Variants in PTPRD observed in about 807,000 individuals in gnomAD.
The protein encoded by PTPRD is protein tyrosine phosphatase receptor type D, also known as receptor-type tyrosine-protein phosphatase delta.
PTPRD carries 34 observed loss-of-function variants against 214.5 expected under a neutral mutation model. The observed-to-expected ratio is 0.16, with a 90% CI of 0.12 to 0.21. The LOEUF (loss-of-function observed/expected upper bound fraction) is 0.21. Ranked by LOEUF, PTPRD falls within the 10% of genes least tolerant of loss-of-function variation. The pLI is 1.00. For synonymous variants in PTPRD, 1,128 were observed against 845.7 expected (o/e 1.33, Z -5.79); for missense variants, 2,545 against 2,398.7 (o/e 1.06, Z -1.27).
intron 3 of PTPRD, among the ~76,000 whole-genome samples, chr9:10,058,575 C>T (rs899578789): frequency 2.6e-5 from 4 of 152,064 alleles, no homozygotes; most frequent in Admixed American, 1.3e-4. Flanking sequence ...TATCATGGAT[C>T]CTGCTATCAA....
At chr9:9,051,310 T>C (rs1407440114) in intron 10 of PTPRD, among the ~76,000 whole-genome samples, 1 of 152,196 alleles carries the variant, frequency 6.6e-6, no homozygotes, top group Non-Finnish European at 1.5e-5. Flanking sequence ...TTATTTAAAG[T>C]AGGCCCATTT....
chr9:8,715,727 G>A (rs143518109), intron 12 of PTPRD, among the ~76,000 whole-genome samples: 2 of 152,324 alleles, frequency 1.3e-5, no homozygotes, highest in East Asian at 3.9e-4. Context: ...TTCCTAATTA[G>A]TGTCACCTCA....
intron 11 of PTPRD, among the ~76,000 whole-genome samples, chr9:8,909,074 A>G (rs1465161739): frequency 1.3e-5 from 2 of 151,892 alleles, no homozygotes; most frequent in Non-Finnish European, 2.9e-5. Flanking sequence ...CAGTAGCAAA[A>G]CTGACTCAAA....
chr9:10,212,461 T>C (rs1356436853), intron 3 of PTPRD, among the ~76,000 whole-genome samples: 2 of 152,132 alleles, frequency 1.3e-5, no homozygotes, highest in African/African-American at 2.4e-5. Context: ...ATATTAAAGA[T>C]GAAATTTCAA....
intron 37 of PTPRD, among the ~76,000 whole-genome samples, chr9:8,382,108 G>A (rs12553563): frequency 6.6e-6 from 1 of 152,018 alleles, no homozygotes; most frequent in East Asian, 1.9e-4. Context: ...CTTCCAAACA[G>A]TATCATTAGA....
chr9:10,091,414 A>AT (rs1590906185), intron 3 of PTPRD, among the ~76,000 whole-genome samples: 1 of 151,674 alleles, frequency 6.6e-6, no homozygotes, highest in East Asian at 2.0e-4. Flanking sequence ...CTGAAAACTG[A>AT]TTTTTAAATT....
rs1475512998 is a variant in PTPRD, at chr9:9,019,350, A to AAGAG, written c.-142-616_-142-615insCTCT. 2.1e-3 allele frequency among the ~76,000 whole-genome samples: 296 copies of AAGAG among 138,208 alleles called. 2 individuals are homozygous for AAGAG. Among genetic ancestry groups the AAGAG allele is most frequent in the African/African-American group, 7.3e-3 (276 of 37,618 alleles). The allele number at this position is 138,208 out of a possible 152,430, so 90.7% of individuals were successfully genotyped here. ...AAAGAAAGAAAGAACGAAAGAAAGAAAGAAAGAAAGAATCTGAATTTTAAA... is the reference window on the plus strand; with the variant it reads ...AAAGAAAGAAAGAACGAAAGAAAGAAAGAGAGAAAGAAAGAATCTGAATTTTAAA... On this transcript the variant is annotated intron_variant, in intron 10 of 45. Transcript: ENST00000381196.
At chr9:8,449,892 AG>A (rs1280646310) in intron 33 of PTPRD, 55 bp from the exon 34 acceptor site, 1 of 1,551,628 alleles carries the variant, frequency 6.4e-7, no homozygotes, top group Non-Finnish European at 8.9e-7. Flanking sequence ...TGAAACAGAT[AG>A]AAAAGCAGAG....
chr9:9,237,388 C>G (rs1208476159), intron 9 of PTPRD, among the ~76,000 whole-genome samples: 3 of 152,106 alleles, frequency 2.0e-5, no homozygotes, highest in Non-Finnish European at 4.4e-5. Context: ...TATGATCATG[C>G]CACTGTACTC....
intron 11 of PTPRD, among the ~76,000 whole-genome samples, chr9:8,765,725 C>T (rs911942540): frequency 6.6e-6 from 1 of 152,186 alleles, no homozygotes; most frequent in Non-Finnish European, 1.5e-5. Context: ...AACTTGGCAG[C>T]AGTAGCTAAC....
intron 7 of PTPRD, among the ~76,000 whole-genome samples, chr9:9,719,733 G>C (rs1198509188): frequency 6.6e-6 from 1 of 152,216 alleles, no homozygotes; most frequent in Non-Finnish European, 1.5e-5. Flanking sequence ...CCCATGTCAG[G>C]GCTGTGTCAT....
intron 9 of PTPRD, among the ~76,000 whole-genome samples, chr9:9,204,326 G>A (rs1432318050): frequency 6.6e-6 from 1 of 152,150 alleles, no homozygotes; most frequent in African/African-American, 2.4e-5. Context: ...TTTATATAAA[G>A]TTACTAATTT....
At chr9:9,537,392 C>A (rs1017466590) in intron 8 of PTPRD, among the ~76,000 whole-genome samples, 1 of 151,954 alleles carries the variant, frequency 6.6e-6, no homozygotes, top group African/African-American at 2.4e-5. Context: ...AACATCAACA[C>A]AGTGACATCA....
chr9:8,872,217 A>T (rs183198239), intron 11 of PTPRD, among the ~76,000 whole-genome samples: 1 of 152,266 alleles, frequency 6.6e-6, no homozygotes, highest in African/African-American at 2.4e-5. Context: ...TGAGAATGCA[A>T]AGAGGAAGAG....
intron 7 of PTPRD, among the ~76,000 whole-genome samples, chr9:9,582,440 A>T (rs2091037570): frequency 6.6e-6 from 1 of 152,108 alleles, no homozygotes; most frequent in South Asian, 2.1e-4. Flanking sequence ...GAGCAATTAA[A>T]ATAGGAGGAA....
intron 4 of PTPRD, among the ~76,000 whole-genome samples, chr9:9,946,808 C>T (rs932759674): frequency 5.3e-5 from 8 of 151,908 alleles, no homozygotes; most frequent in Non-Finnish European, 8.8e-5. Context: ...GGGATTTTAA[C>T]GATAGAATTA....
At chr9:10,510,086 T>C (rs1456884360) in intron 2 of PTPRD, among the ~76,000 whole-genome samples, 6 of 152,106 alleles carry the variant, frequency 3.9e-5, no homozygotes, top group Admixed American at 3.9e-4. Context: ...CAGTAACCCT[T>C]TAAGGATCAA....
chr9:8,942,502 C>G (rs1034082646), intron 11 of PTPRD, among the ~76,000 whole-genome samples: 2 of 152,130 alleles, frequency 1.3e-5, no homozygotes, highest in Non-Finnish European at 2.9e-5. Context: ...AAACACTTCA[C>G]TGAGTGTGGC....
At chr9:8,597,688 T>C (rs2094548928) in intron 14 of PTPRD, among the ~76,000 whole-genome samples, 1 of 151,942 alleles carries the variant, frequency 6.6e-6, no homozygotes, top group Non-Finnish European at 1.5e-5. Context: ...TCCCAAGGAG[T>C]TGTGTTTCTT....
Sources: gnomAD v4.1 joint callset for allele counts (sites outside exome capture counted in the v4.1 genomes callset) on GRCh38, gnomAD v4.1.1 for gene constraint, MANE v1.5 for transcripts, NCBI Gene and HGNC (gene_info 2026-07-23, HGNC 2026-07-21) for gene names.